Variants in SCAF8 observed in about 807,000 individuals in gnomAD.
SCAF8 encodes SR-related CTD associated factor 8.
Under a neutral mutation model 140.5 loss-of-function variants are expected in SCAF8, and 23 were observed. The ratio of observed to expected loss-of-function variants is 0.16; its 90% CI spans 0.12 to 0.23. SCAF8 has a LOEUF of 0.23. Ranked by LOEUF, SCAF8 falls within the 10% of genes least tolerant of loss-of-function variation. SCAF8 has a pLI of 1.00. For synonymous variants in SCAF8, 575 were observed against 528.9 expected (o/e 1.09, Z -1.20); for missense variants, 1,397 against 1,555.7 (o/e 0.90, Z 1.72).
intron 1 of SCAF8, among the ~76,000 whole-genome samples, chr6:154,766,573 C>T (rs1190385749): frequency 6.6e-6 from 1 of 151,318 alleles, no homozygotes; most frequent in Non-Finnish European, 1.5e-5. Context: ...ATCAAGTTGT[C>T]TTCTGTTAAT....
intron 1 of SCAF8, 140 bp from the exon 2 acceptor site, chr6:154,773,849 G>C (rs1776844914): frequency 2.2e-5 from 14 of 637,796 alleles, no homozygotes; most frequent in Non-Finnish European, 3.7e-5. Flanking sequence ...TTTGCCTTAT[G>C]GGCAGTGATG....
intron 12 of SCAF8, among the ~76,000 whole-genome samples, chr6:154,814,991 C>T (rs1056999584): frequency 3.9e-5 from 6 of 152,110 alleles, no homozygotes; most frequent in Non-Finnish European, 7.4e-5. Flanking sequence ...CCTTCCAGTA[C>T]AGAAAGACGC....
At chr6:154,815,873 A>C (rs1778233277) in intron 13 of SCAF8, 57 bp downstream of exon 13, 1 of 993,888 alleles carries the variant, frequency 1.0e-6, no homozygotes, top group Non-Finnish European at 1.6e-6. Flanking sequence ...TTATTAATAC[A>C]AAGAATCACT....
At chr6:154,774,122 A>C in intron 2 of SCAF8, 50 bp downstream of exon 2, 1 of 1,146,676 alleles carries the variant, frequency 8.7e-7, no homozygotes, top group Non-Finnish European at 1.3e-6. Flanking sequence ...AACTATATTA[A>C]TAGTTTGGAT....
At chr6:154,827,859 T>C (rs913121007) in intron 18 of SCAF8, among the ~76,000 whole-genome samples, 1 of 151,780 alleles carries the variant, frequency 6.6e-6, no homozygotes, top group Non-Finnish European at 1.5e-5. Flanking sequence ...TGTAAAACTT[T>C]ATTTTTTAGA....
chr6:154,796,608 CT>C (rs1041707146), intron 6 of SCAF8, among the ~76,000 whole-genome samples: 45 of 152,024 alleles, frequency 3.0e-4, no homozygotes, highest in African/African-American at 1.0e-3. Flanking sequence ...AAATGGTTAC[CT>C]TTTTCTGTAT....
intron 3 of SCAF8, among the ~76,000 whole-genome samples, chr6:154,785,283 A>G (rs748839412): frequency 4.6e-5 from 7 of 152,198 alleles, no homozygotes; most frequent in Non-Finnish European, 1.0e-4. Flanking sequence ...AATTCTGAAC[A>G]GTATTGCTGT....
intron 3 of SCAF8, among the ~76,000 whole-genome samples, chr6:154,783,004 T>G (rs746528455): frequency 6.6e-6 from 1 of 152,188 alleles, no homozygotes; most frequent in Non-Finnish European, 1.5e-5. Flanking sequence ...GTATTAACCA[T>G]CATAGATCCC....
rs374284733 is a variant in SCAF8 at position 154,830,959 on chromosome 6, T to C, written c.2178T>C (p.Thr726=). ...VQPSLSMTPE[T]VKDVGFGSLV... ...CGTCATTATCCATGACACCGGAAAC[T>C]GTGAAAGATGTTGGATTTGGTAGCC... Residue 726 remains threonine, a synonymous_variant, in exon 19 of 20, where the codon ACT becomes ACC. Transcript: ENST00000367178. The C allele has an allele frequency of 1.6e-5, 26 of 1,614,030 alleles. No individual in the cohort carries two copies. The highest frequency in any genetic ancestry group is 1.1e-4 in the East Asian group (5 of 44,882).
chr6:154,771,495 A>G (rs1326168136), intron 1 of SCAF8, among the ~76,000 whole-genome samples: 1 of 152,236 alleles, frequency 6.6e-6, no homozygotes. Context: ...AGGGCCTTAA[A>G]TATACAGGTT....
intron 19 of SCAF8, 82 bp from the exon 20 acceptor site, chr6:154,831,857 G>T (rs893667011): frequency 6.1e-6 from 7 of 1,142,354 alleles, no homozygotes; most frequent in Non-Finnish European, 7.4e-6. Context: ...ATTATTGGGG[G>T]ATACAAGTAG....
chr6:154,782,429 A>G (rs919536579), intron 3 of SCAF8, among the ~76,000 whole-genome samples: 1 of 152,140 alleles, frequency 6.6e-6, no homozygotes, highest in Non-Finnish European at 1.5e-5. Flanking sequence ...AAAACAAAAC[A>G]AAACAAACAA....
chr6:154,744,928 G>A (rs570166186), intron 1 of SCAF8, among the ~76,000 whole-genome samples: 48 of 152,146 alleles, frequency 3.2e-4, no homozygotes, highest in African/African-American at 1.1e-3. Context: ...GCAATTCATG[G>A]TACCCTTTAC....
At chr6:154,831,492 C>A (rs1031268153) in intron 19 of SCAF8, among the ~76,000 whole-genome samples, 1 of 151,730 alleles carries the variant, frequency 6.6e-6, no homozygotes, top group East Asian at 1.9e-4. Context: ...CTATCGGGAA[C>A]TTACTTCTAA....
intron 1 of SCAF8, among the ~76,000 whole-genome samples, chr6:154,748,735 A>G (rs893483775): frequency 2.0e-5 from 3 of 152,202 alleles, no homozygotes; most frequent in Non-Finnish European, 4.4e-5. Context: ...TTTGGTGGTA[A>G]TTTCAAGAAT....
chr6:154,751,884 C>T (rs1051833780), intron 1 of SCAF8, among the ~76,000 whole-genome samples: 10 of 152,150 alleles, frequency 6.6e-5, no homozygotes, highest in Admixed American at 2.0e-4. Flanking sequence ...ACAGAAAATA[C>T]GCTTTCCTTG....
chr6:154,736,034 C>T (rs1778408477), intron 1 of SCAF8, among the ~76,000 whole-genome samples: 1 of 152,004 alleles, frequency 6.6e-6, no homozygotes, highest in East Asian at 1.9e-4. Flanking sequence ...TTATGTTGCC[C>T]AGGCTGTTCT....
intron 18 of SCAF8, among the ~76,000 whole-genome samples, chr6:154,828,046 A>C (rs1227621053): frequency 1.3e-5 from 2 of 152,092 alleles, no homozygotes; most frequent in African/African-American, 2.4e-5. Flanking sequence ...CTTAGTTTGC[A>C]TTTTGATTCA....
chr6:154,760,300 G>A (rs939273009), intron 1 of SCAF8, among the ~76,000 whole-genome samples: 4 of 152,018 alleles, frequency 2.6e-5, no homozygotes, highest in African/African-American at 9.7e-5. Context: ...TCTCTAAATA[G>A]ATAAAATAAA....
Sources: gnomAD v4.1 joint callset for allele counts (sites outside exome capture counted in the v4.1 genomes callset) on GRCh38, gnomAD v4.1.1 for gene constraint, MANE v1.5 for transcripts, NCBI Gene and HGNC (gene_info 2026-07-23, HGNC 2026-07-21) for gene names.